Variants in GPSM2 observed in about 807,000 individuals in gnomAD.
GPSM2 encodes G protein signaling modulator 2.
A neutral mutation model predicts 78.4 loss-of-function variants in GPSM2; 58 were observed. The ratio of observed to expected loss-of-function variants is 0.74; its 90% confidence interval spans 0.60 to 0.92. The LOEUF (loss-of-function observed/expected upper bound fraction) is 0.92, where lower values mean the gene tolerates loss of function less well. Ranked by LOEUF, GPSM2 falls within the 40% of genes least tolerant of loss-of-function variation. The pLI is 0.00. For synonymous variants in GPSM2, 224 were observed against 280.2 expected (o/e 0.80, Z 2.00); for missense variants, 700 against 815.5 (o/e 0.86, Z 1.73).
intron 2 of GPSM2, among the ~76,000 whole-genome samples, chr1:108,887,696 G>A (rs1020482694): frequency 6.6e-6 from 1 of 152,162 alleles, no homozygotes; most frequent in African/African-American, 2.4e-5. Flanking sequence ...TTCTAGATGG[G>A]CTGCTTAGGT....
chr1:108,925,265 T>G (rs1381472466), intron 14 of GPSM2, among the ~76,000 whole-genome samples: 1 of 152,206 alleles, frequency 6.6e-6, no homozygotes, highest in Non-Finnish European at 1.5e-5. Flanking sequence ...GTTAGCCAGT[T>G]CAAGGAATGG....
At chr1:108,880,601 TA>T (rs1289900495) in intron 1 of GPSM2, among the ~76,000 whole-genome samples, 14 of 151,954 alleles carry the variant, frequency 9.2e-5, no homozygotes, top group African/African-American at 2.9e-4. Context: ...AAACAATGCT[TA>T]GTGGAAAGGA....
Position 108,930,085 on chromosome 1 carries a change from T to C in GPSM2, c.*145T>C. Reference sequence around the variant, plus strand: ...AAATAGTTAACCTTCAGTAGTCTATTAAGGCATTAATACTTCTCTGGACAT... The same window carrying C: ...AAATAGTTAACCTTCAGTAGTCTATCAAGGCATTAATACTTCTCTGGACAT... On this transcript the variant is annotated 3_prime_UTR_variant, in exon 15 of 15. Transcript: ENST00000264126. 1.3e-6 allele frequency: 1 copy of C among 766,762 alleles called. No homozygotes were observed. 47.5% of individuals were successfully genotyped at this position (766,762 alleles called of 1,614,324 possible).
rs1000263693 is a variant in GPSM2 at position 108,930,073 on chromosome 1, T to C, written c.*133T>C. 3.2e-5 allele frequency: 27 copies of C among 843,386 alleles called. No individual in the cohort carries two copies. The highest frequency in any genetic ancestry group is 5.0e-5 in the Non-Finnish European group (27 of 540,218). The allele number at this position is 843,386 out of a possible 1,614,324, so 52.2% of individuals were successfully genotyped here. A position where few individuals can be genotyped will look rare whatever the true frequency, so the allele number is the denominator to read the frequency against. Reference sequence around the variant, plus strand: ...TTAGAATGATGTAAATAGTTAACCTTCAGTAGTCTATTAAGGCATTAATAC... The same window carrying C: ...TTAGAATGATGTAAATAGTTAACCTCCAGTAGTCTATTAAGGCATTAATAC... On this transcript the variant is annotated 3_prime_UTR_variant, in exon 15 of 15. Transcript: ENST00000264126.
chr1:108,915,437 GTTTT>G (rs998179683), intron 11 of GPSM2, among the ~76,000 whole-genome samples: 1 of 137,270 alleles, frequency 7.3e-6, no homozygotes, highest in Non-Finnish European at 1.6e-5. Flanking sequence ...TTTCTTTTTT[GTTTT>G]TTTTGAGACG....
At chr1:108,906,370 A>G (rs904930234) in intron 10 of GPSM2, among the ~76,000 whole-genome samples, 2 of 151,680 alleles carry the variant, frequency 1.3e-5, no homozygotes, top group African/African-American at 4.8e-5. Flanking sequence ...TCTTTCACTC[A>G]CTTCTACATC....
chr1:108,897,199 A>G (rs1392786058), intron 3 of GPSM2, 114 bp downstream of exon 3: 5 of 823,848 alleles, frequency 6.1e-6, no homozygotes, highest in Non-Finnish European at 9.8e-6. Context: ...GTTCTACTTC[A>G]GTAACATCGC....
At chr1:108,918,341 CAG>C (rs1202295494) in intron 11 of GPSM2, among the ~76,000 whole-genome samples, 1 of 151,910 alleles carries the variant, frequency 6.6e-6, no homozygotes, top group African/African-American at 2.4e-5. Flanking sequence ...TTTATTTTTA[CAG>C]AGTTTTGGTA....
intron 14 of GPSM2, among the ~76,000 whole-genome samples, chr1:108,925,575 G>GT (rs1553217203): frequency 1.6e-4 from 24 of 152,092 alleles, no homozygotes; most frequent in Admixed American, 1.4e-3. Context: ...AGTAAAGAGT[G>GT]TATCTTAAGC....
chr1:108,931,554 A>C lies in GPSM2; in HGVS notation c.*1614A>C. ...GTCATTCAGGTGATTTGGATGGGCA[A>C]ATAGAACTATTTCTCTAATGGCCAA... On this transcript the variant is annotated 3_prime_UTR_variant, in exon 15 of 15. Transcript: ENST00000264126. The C allele has an allele frequency of 6.7e-7, 1 of 1,494,278 alleles. No individual in the cohort carries two copies. Among genetic ancestry groups the C allele is most frequent in the African/African-American group, 1.4e-5 (1 of 70,880 alleles). The allele number at this position is 1,494,278 out of a possible 1,614,324, so 92.6% of individuals were successfully genotyped here.
At chr1:108,899,376 A>C (rs1336269859) in intron 7 of GPSM2, among the ~76,000 whole-genome samples, 1 of 152,192 alleles carries the variant, frequency 6.6e-6, no homozygotes, top group Non-Finnish European at 1.5e-5. Context: ...TATTTCACTC[A>C]GTTATGGGTT....
At chr1:108,883,471 C>T (rs1647272643) in intron 1 of GPSM2, among the ~76,000 whole-genome samples, 1 of 152,164 alleles carries the variant, frequency 6.6e-6, no homozygotes, top group Non-Finnish European at 1.5e-5. Flanking sequence ...CAGGAATATT[C>T]AAAATTAAGA....
Position 108,931,210 on chromosome 1 carries a change from A to C in GPSM2, c.*1270A>C, listed in dbSNP as rs1651893121. ...TGGTTAGGTCAAGAACCTAGGACAC[A>C]TAAACAAACAGAAAACAGATGAAAA... On this transcript the variant is annotated 3_prime_UTR_variant, in exon 15 of 15. Transcript: ENST00000264126. 2.4e-6 allele frequency: 3 copies of C among 1,262,234 alleles called. No individual in the cohort carries two copies. The South Asian group carries it at 4.8e-5, about 20-fold the overall frequency. 78.2% of individuals were successfully genotyped at this position (1,262,234 alleles called of 1,614,324 possible). A position where few individuals can be genotyped will look rare whatever the true frequency, so the allele number is the denominator to read the frequency against.
chr1:108,918,061 T>C (rs1002159659), intron 11 of GPSM2, among the ~76,000 whole-genome samples: 1 of 152,180 alleles, frequency 6.6e-6, no homozygotes, highest in African/African-American at 2.4e-5. Context: ...TGCATATTTT[T>C]CCACTGTACT....
Position 108,915,961 on chromosome 1 carries a change from G to A in GPSM2, c.1263+1553G>A, listed in dbSNP as rs1342386797. ...GTGATCTATCAAGAACATCTTTCCAGCTGGACGCAGTGGCTCATGCCTGTA... is the reference window on the plus strand; with the variant it reads ...GTGATCTATCAAGAACATCTTTCCAACTGGACGCAGTGGCTCATGCCTGTA... On this transcript the variant is annotated intron_variant, in intron 11 of 14. Transcript: ENST00000264126. 2.0e-5 allele frequency among the ~76,000 whole-genome samples: 3 copies of A among 151,652 alleles called. No homozygotes were observed. The East Asian group carries it at 5.8e-4, about 29-fold the overall frequency.
intron 11 of GPSM2, among the ~76,000 whole-genome samples, chr1:108,917,284 A>G (rs1650300010): frequency 6.6e-6 from 1 of 151,910 alleles, no homozygotes; most frequent in African/African-American, 2.4e-5. Context: ...AAACAGCAAC[A>G]AGGCCGGGCG....
chr1:108,923,875 G>A (rs1650920130), intron 13 of GPSM2, 125 bp from the exon 14 acceptor site: 1 of 721,666 alleles, frequency 1.4e-6, no homozygotes, highest in South Asian at 1.5e-5. Context: ...TATAGCAGGA[G>A]GGCAGGGCGG....
Position 108,929,976 on chromosome 1 carries a change from G to T in GPSM2, c.*36G>T, listed in dbSNP as rs1044555441. 5.7e-6 allele frequency: 9 copies of T among 1,584,556 alleles called. No homozygotes were observed. The highest frequency in any genetic ancestry group is 7.8e-6 in the Non-Finnish European group (9 of 1,154,994). On this transcript the variant is annotated 3_prime_UTR_variant, in exon 15 of 15. Transcript: ENST00000264126. ...TTTATTTTTTTTCCTTTCAAACACGGTAAGGAAACAATCTATTACTTTTTT... is the reference window on the plus strand; with the variant it reads ...TTTATTTTTTTTCCTTTCAAACACGTTAAGGAAACAATCTATTACTTTTTT...
intron 10 of GPSM2, among the ~76,000 whole-genome samples, chr1:108,910,270 A>G (rs976023107): frequency 1.3e-5 from 2 of 152,240 alleles, no homozygotes; most frequent in Non-Finnish European, 2.9e-5. Flanking sequence ...CTAAAATTAT[A>G]AAGAAATTCG....
Sources: gnomAD v4.1 joint callset for allele counts (sites outside exome capture counted in the v4.1 genomes callset) on GRCh38, gnomAD v4.1.1 for gene constraint, MANE v1.5 for transcripts, NCBI Gene and HGNC (gene_info 2026-07-23, HGNC 2026-07-21) for gene names.